Variants in HUWE1 observed in about 807,000 individuals in gnomAD.
HUWE1 encodes the protein E3 ubiquitin-protein ligase HUWE1.
A neutral mutation model predicts 299.4 loss-of-function variants in HUWE1; 18 were observed. The ratio of observed to expected loss-of-function variants is 0.06; its 90% CI spans 0.04 to 0.09. The LOEUF (loss-of-function observed/expected upper bound fraction) is 0.09. Among genes scored for constraint, HUWE1 ranks in the 10% least tolerant of loss-of-function variants. The pLI is 1.00. For synonymous variants in HUWE1, 1,317 were observed against 1,286.1 expected, an observed-to-expected ratio of 1.02 and a Z score of -0.51; for missense variants, 1,832 against 3,462.3, an observed-to-expected ratio of 0.53 and a Z score of 11.82.
intron 4 of HUWE1, 34 bp downstream of exon 4, chrX:53,654,028 GA>G (rs782144757): frequency 1.5e-5 from 16 of 1,063,701 alleles, no homozygotes; most frequent in South Asian, 1.4e-4. Context: ...TTTTAATGAA[GA>G]AAAAATAAGC....
intron 3 of HUWE1, among the ~76,000 whole-genome samples, chrX:53,666,486 G>T (rs1320124518): frequency 1.8e-5 from 2 of 111,509 alleles, no homozygotes; most frequent in African/African-American, 3.3e-5. Context: ...ATAAATTGAA[G>T]TTATTTTAAA....
chrX:53,556,391 T>C (rs1476019150), intron 60 of HUWE1: 5 of 335,903 alleles, frequency 1.5e-5, no homozygotes, highest in African/African-American at 5.3e-5. Context: ...ACAGACTCTT[T>C]TAAAGATCTT....
intron 62 of HUWE1, 65 bp from the exon 63 acceptor site, chrX:53,552,506 A>G: frequency 8.3e-7 from 1 of 1,202,048 alleles, no homozygotes; most frequent in Non-Finnish European, 1.1e-6. Flanking sequence ...ACACTGCTAC[A>G]ATACCCCTTT....
chrX:53,616,607 T>A (rs1391051789), intron 21 of HUWE1, among the ~76,000 whole-genome samples: 1 of 111,369 alleles, frequency 9.0e-6, no homozygotes, highest in African/African-American at 3.3e-5. Flanking sequence ...AAAAAAAAAA[T>A]ATCCATGTGT....
intron 48 of HUWE1, 84 bp downstream of exon 48, chrX:53,569,532 T>C: frequency 1.1e-6 from 1 of 912,474 alleles, no homozygotes; most frequent in Admixed American, 2.2e-5. Flanking sequence ...GAAGTTTTGT[T>C]CAAGTGCAAA....
At chrX:53,638,049 C>A (rs2067328986) in intron 7 of HUWE1, among the ~76,000 whole-genome samples, 1 of 111,585 alleles carries the variant, frequency 9.0e-6, no homozygotes, top group South Asian at 3.7e-4. Context: ...AAAAAACGAA[C>A]ATGACCATGC....
chrX:53,539,530 C>CT, intron 75 of HUWE1, 127 bp downstream of exon 75: 1 of 642,263 alleles, frequency 1.6e-6, no homozygotes, highest in Admixed American at 3.0e-5. Flanking sequence ...AAACACTTCT[C>CT]TTTTGAATTC....
rs782308318 is a variant in HUWE1 at position 53,533,995 on chromosome X, C to G, written c.13022+12G>C. The G allele has an allele frequency of 3.7e-5, 45 of 1,200,550 alleles. No homozygotes were observed. Among genetic ancestry groups the G allele is most frequent in the Non-Finnish European group, 4.8e-5 (43 of 886,680 alleles). ...TAAGCACTGAAAAGGAGAAACAAAC[C>G]CTTCCTTTTACCATGTGTGAGCTGA... On this transcript the variant is annotated intron_variant, in intron 83 of 83. Coordinates refer to ENST00000262854, the MANE Select transcript of HUWE1 (RefSeq NM_031407.7).
Position 53,589,528 on chromosome X carries a change from T to TGACCCCTTGA in HUWE1, c.4461+9_4461+18dup. 1.7e-6 allele frequency: 2 copies of TGACCCCTTGA among 1,207,931 alleles called. No individual in the cohort carries two copies. Among genetic ancestry groups the TGACCCCTTGA allele is most frequent in the Non-Finnish European group, 2.2e-6 (2 of 891,908 alleles). ...AACCACTTCACATACTCCCCTCTTC[T>TGACCCCTTGA]GACCCCTTGAGAGCTCACCTGATTG... On this transcript the variant is annotated intron_variant, in intron 36 of 83. Transcript: ENST00000262854.
chrX:53,625,103 C>A, intron 18 of HUWE1, 54 bp downstream of exon 18: 1 of 782,247 alleles, frequency 1.3e-6, no homozygotes, highest in Admixed American at 2.2e-5. Flanking sequence ...TGAAAAGAAC[C>A]AATCTTTGAG....
At chrX:53,615,571 T>G (rs2065757213) in intron 22 of HUWE1, among the ~76,000 whole-genome samples, 173 bp downstream of exon 22, 1 of 111,969 alleles carries the variant, frequency 8.9e-6, no homozygotes, top group Non-Finnish European at 1.9e-5. Context: ...TGAACTAAAA[T>G]GACAACATCT....
At chrX:53,543,651 A>T (rs2061441299) in intron 73 of HUWE1, 190 bp downstream of exon 73, 1 of 661,273 alleles carries the variant, frequency 1.5e-6, no homozygotes, top group African/African-American at 2.2e-5. Flanking sequence ...GCTTTAAATC[A>T]AATCAAACCA....
intron 59 of HUWE1, among the ~76,000 whole-genome samples, chrX:53,558,258 A>G (rs2062121218): frequency 9.0e-6 from 1 of 111,659 alleles, no homozygotes. Context: ...ATCTTACTCA[A>G]ATGACGGAAT....
intron 3 of HUWE1, among the ~76,000 whole-genome samples, chrX:53,656,362 G>A (rs1292242150): frequency 1.2e-4 from 13 of 107,936 alleles, no homozygotes; most frequent in African/African-American, 4.1e-4. Context: ...GCGACAGAGC[G>A]AGACTCCATC....
At chrX:53,564,482 C>T in intron 51 of HUWE1, 92 bp downstream of exon 51, 1 of 1,034,919 alleles carries the variant, frequency 9.7e-7, no homozygotes, top group South Asian at 2.0e-5. Flanking sequence ...AGCATTGAGG[C>T]AAGGATCTAA....
intron 80 of HUWE1, chrX:53,535,810 GA>G (rs782369471): frequency 2.7e-5 from 10 of 376,403 alleles, no homozygotes; most frequent in African/African-American, 1.3e-4. Context: ...AATCTCTTAG[GA>G]AAAGAATTTA....
At chrX:53,588,821 CCCAAAAAGGTTCTATCAACTTATACTT>C (rs781804577) in intron 36 of HUWE1, among the ~76,000 whole-genome samples, 1 of 111,582 alleles carries the variant, frequency 9.0e-6, no homozygotes, top group African/African-American at 3.3e-5. Context: ...TACAGTCAAC[CCCAAAAAGGTTCTATCAACTTATACTT>C]CCATCAGCAA....
intron 3 of HUWE1, among the ~76,000 whole-genome samples, chrX:53,656,076 C>G (rs1464233952): frequency 9.3e-6 from 1 of 108,086 alleles, no homozygotes; most frequent in African/African-American, 3.4e-5. Context: ...GAGACTCCAT[C>G]TTAAAAAAAC....
At chrX:53,629,649 A>G in intron 12 of HUWE1, 33 bp from the exon 13 acceptor site, 1 of 975,652 alleles carries the variant, frequency 1.0e-6, no homozygotes, top group Non-Finnish European at 1.5e-6. Flanking sequence ...TTTAGGCAAG[A>G]AGGCAGTGGT....
Sources: allele counts gnomAD v4.1 joint callset (sites outside exome capture counted in the v4.1 genomes callset), GRCh38; gene constraint gnomAD v4.1.1; transcripts MANE v1.5; gene names NCBI Gene and HGNC (gene_info 2026-07-23, HGNC 2026-07-21).